MACROD2: variants seen among roughly 807,000 people sequenced by gnomAD.
MACROD2 encodes the protein ADP-ribose glycohydrolase MACROD2.
In MACROD2, 36 loss-of-function variants were observed where a neutral mutation model predicts 70.4. That is an observed-to-expected ratio of 0.51 (90% CI 0.39 to 0.68). The LOEUF (loss-of-function observed/expected upper bound fraction) is 0.68, where lower values mean the gene tolerates loss of function less well. Ranked by LOEUF, MACROD2 falls within the 30% of genes least tolerant of loss-of-function variation. The probability of loss-of-function intolerance (pLI) is 0.00; values close to 1 mark genes in which losing one functional copy is unlikely to be tolerated. For missense variants in MACROD2, 496 were observed against 538.4 expected (o/e 0.92, Z 0.78); for synonymous variants, 172 against 178.8 (o/e 0.96, Z 0.30).
rs1347174795 is a variant in MACROD2, at chr20:15,124,133, A to AT, written c.419-105799dup. On this transcript the variant is annotated intron_variant, in intron 5 of 17. Transcript: ENST00000684519. ...TTGGGGTACTTTTCTTCTCTCTTTG[A>AT]TTTTTTTTGATGCCACTAAAATTAC... Among the ~76,000 whole-genome samples, 14 of 151,384 alleles carry AT rather than the reference A, an allele frequency of 9.2e-5. No individual in the cohort carries two copies. The South Asian group carries it at 2.3e-3, about 25-fold the overall frequency.
intron 8 of MACROD2, among the ~76,000 whole-genome samples, chr20:15,848,373 G>T (rs919139443): frequency 2.0e-5 from 3 of 151,670 alleles, no homozygotes; most frequent in Non-Finnish European, 4.4e-5. Context: ...GGGAGGGGGG[G>T]GTCATCTTCC....
chr20:15,276,892 G>A (rs970885891), intron 6 of MACROD2, among the ~76,000 whole-genome samples: 2 of 152,132 alleles, frequency 1.3e-5, no homozygotes, highest in Admixed American at 1.3e-4. Flanking sequence ...CTCAGTGATT[G>A]GCGTAATTTA....
intron 6 of MACROD2, among the ~76,000 whole-genome samples, chr20:15,360,490 C>T (rs1444560943): frequency 6.6e-6 from 1 of 152,012 alleles, no homozygotes; most frequent in Non-Finnish European, 1.5e-5. Flanking sequence ...CTATATTATA[C>T]TATACTTAAA....
At chr20:15,115,878 A>C (rs563713525) in intron 5 of MACROD2, among the ~76,000 whole-genome samples, 1 of 152,314 alleles carries the variant, frequency 6.6e-6, no homozygotes, top group South Asian at 2.1e-4. Flanking sequence ...AAGAAAGATC[A>C]GTTGGTGGTG....
intron 6 of MACROD2, among the ~76,000 whole-genome samples, chr20:15,291,054 AAAAG>A (rs1306156479): frequency 6.6e-6 from 1 of 152,204 alleles, no homozygotes; most frequent in Non-Finnish European, 1.5e-5. Flanking sequence ...AACAAAAAGA[AAAAG>A]AAAGGCTGTT....
intron 8 of MACROD2, among the ~76,000 whole-genome samples, chr20:15,529,190 T>A (rs999409380): frequency 6.6e-6 from 1 of 152,122 alleles, no homozygotes; most frequent in Non-Finnish European, 1.5e-5. Flanking sequence ...AGTAGACAGT[T>A]CTTGTTCTCA....
At chr20:14,710,218 C>A (rs574879373) in intron 5 of MACROD2, among the ~76,000 whole-genome samples, 57 of 152,224 alleles carry the variant, frequency 3.7e-4, no homozygotes, top group African/African-American at 1.3e-3. Context: ...GTTATATTTA[C>A]TGGACAAAAT....
intron 6 of MACROD2, among the ~76,000 whole-genome samples, chr20:15,412,482 G>C (rs893982615): frequency 1.3e-5 from 2 of 152,148 alleles, no homozygotes; most frequent in Non-Finnish European, 2.9e-5. Flanking sequence ...TCAGCACATT[G>C]CAGGCTAAAG....
intron 4 of MACROD2, among the ~76,000 whole-genome samples, chr20:14,653,767 CTGGCTGCA>C (rs1439293466): frequency 2.4e-4 from 37 of 152,256 alleles, no homozygotes; most frequent in Admixed American, 1.1e-3. Flanking sequence ...TGCCTTTATT[CTGGCTGCA>C]GGAGCATGGT....
At chr20:14,230,654 T>TATAAAAAA in intron 3 of MACROD2, among the ~76,000 whole-genome samples, 13 of 74,244 alleles carry the variant, frequency 1.8e-4, no homozygotes, top group South Asian at 1.6e-3. Context: ...TATATATATA[T>TATAAAAAA]AACACAGGCT....
At chr20:15,540,223 T>G (rs192666100) in intron 8 of MACROD2, among the ~76,000 whole-genome samples, 3 of 152,308 alleles carry the variant, frequency 2.0e-5, no homozygotes, top group Non-Finnish European at 1.5e-5. Flanking sequence ...GTGGGTTGCA[T>G]AACTGGTAAG....
At position 14,229,209 on chromosome 20, in the gene MACROD2, A is replaced by G. The variant is rs544436329; in HGVS notation, c.271+143481A>G. Among the ~76,000 whole-genome samples, 101 of 152,282 alleles carry G rather than the reference A, an allele frequency of 6.6e-4. 1 individual carries two copies. Among genetic ancestry groups the G allele is most frequent in the African/African-American group, 2.4e-3 (98 of 41,546 alleles). On this transcript the variant is annotated intron_variant, in intron 3 of 17. Transcript: ENST00000684519. ...ACACCAAAAACACTGTACATGAGAGAAGAAATTGGCAAGTGAGACTTCATT... is the reference window on the plus strand; with the variant it reads ...ACACCAAAAACACTGTACATGAGAGGAGAAATTGGCAAGTGAGACTTCATT...
chr20:14,582,694 C>G (rs992245587), intron 4 of MACROD2, among the ~76,000 whole-genome samples: 6 of 151,970 alleles, frequency 3.9e-5, no homozygotes, highest in Non-Finnish European at 8.8e-5. Flanking sequence ...TCTTCTGTTG[C>G]CCAGAAAATA....
intron 5 of MACROD2, among the ~76,000 whole-genome samples, chr20:14,774,211 T>C (rs1055235116): frequency 2.0e-5 from 3 of 151,998 alleles, no homozygotes; most frequent in Non-Finnish European, 4.4e-5. Flanking sequence ...ATGTATATGC[T>C]TTTTAGGAAC....
Position 14,744,074 on chromosome 20 carries a change from A to G in MACROD2, c.418+59115A>G, listed in dbSNP as rs141996346. ...CACACTTCAACTTTAGATCATTCAA[A>G]TAGAGTTTGGACTTCTGACTTCCAG... On this transcript the variant is annotated intron_variant, in intron 5 of 17. Transcript: ENST00000684519. 7.2e-5 allele frequency among the ~76,000 whole-genome samples: 11 copies of G among 152,330 alleles called. 1 individual carries two copies. In the East Asian group the frequency reaches 2.1e-3, roughly 29 times the overall value.
intron 4 of MACROD2, among the ~76,000 whole-genome samples, chr20:14,499,283 T>G (rs2123118472): frequency 6.6e-6 from 1 of 152,232 alleles, no homozygotes; most frequent in African/African-American, 2.4e-5. Context: ...GTAATTTCAG[T>G]ACTTCGGGAG....
At chr20:16,022,139 C>T (rs1474405923) in intron 15 of MACROD2, among the ~76,000 whole-genome samples, 1 of 149,428 alleles carries the variant, frequency 6.7e-6, no homozygotes, top group Non-Finnish European at 1.5e-5. Context: ...CAAGCTCTGC[C>T]TCCCGGGTTC....
chr20:14,013,508 G>A, intron 2 of MACROD2, among the ~76,000 whole-genome samples: 1 of 151,830 alleles, frequency 6.6e-6, no homozygotes, highest in African/African-American at 2.4e-5. Flanking sequence ...TCCTGACCTC[G>A]TGATCTGCCC....
intron 5 of MACROD2, among the ~76,000 whole-genome samples, chr20:14,899,496 G>A (rs1568862452): frequency 6.6e-6 from 1 of 152,136 alleles, no homozygotes; most frequent in Non-Finnish European, 1.5e-5. Flanking sequence ...GTTTGTAGAA[G>A]CATCACTCTG....
Sources: gnomAD v4.1 joint callset for allele counts (sites outside exome capture counted in the v4.1 genomes callset) on GRCh38, gnomAD v4.1.1 for gene constraint, MANE v1.5 for transcripts, NCBI Gene and HGNC (gene_info 2026-07-23, HGNC 2026-07-21) for gene names.